The following MTSS1 variants were observed in gnomAD, a reference collection of about 807,000 sequenced individuals.
MTSS1 encodes MTSS I-BAR domain containing 1.
Under a neutral mutation model 79.0 loss-of-function variants are expected in MTSS1, and 18 were observed. The ratio of observed to expected loss-of-function variants is 0.23; its 90% CI spans 0.16 to 0.34. The LOEUF (loss-of-function observed/expected upper bound fraction) is 0.34. Ranked by LOEUF, MTSS1 falls within the 10% of genes least tolerant of loss-of-function variation. MTSS1 has a pLI of 1.00. For missense variants in MTSS1, 815 were observed against 986.2 expected (o/e 0.83, Z 2.33); for synonymous variants, 341 against 368.6 (o/e 0.93, Z 0.86).
intron 1 of MTSS1, among the ~76,000 whole-genome samples, chr8:124,707,390 TACAAAAAAAAAA>T (rs1347137630): frequency 4.8e-5 from 2 of 41,640 alleles, no homozygotes; most frequent in Non-Finnish European, 4.5e-5. Context: ...CTACTAAAAA[TACAAAAAAAAAA>T]ACAAACAAAC....
intron 1 of MTSS1, among the ~76,000 whole-genome samples, chr8:124,708,913 A>T (rs2135549963): frequency 6.6e-6 from 1 of 152,200 alleles, no homozygotes; most frequent in Admixed American, 6.5e-5. Context: ...ACAGAAGACA[A>T]AAACCTCCTT....
At chr8:124,557,609 AG>A in intron 11 of MTSS1, 71 bp downstream of exon 11, 1 of 1,369,490 alleles carries the variant, frequency 7.3e-7, no homozygotes, top group Non-Finnish European at 1.0e-6. Context: ...AGTCGGGGTG[AG>A]GGGGTTGGAA....
chr8:124,609,925 A>G (rs964450268), intron 3 of MTSS1, among the ~76,000 whole-genome samples: 2 of 152,176 alleles, frequency 1.3e-5, no homozygotes, highest in African/African-American at 4.8e-5. Context: ...CATTCTTCAT[A>G]CATATCAGAC....
intron 6 of MTSS1, among the ~76,000 whole-genome samples, chr8:124,579,017 T>C (rs1178182262): frequency 6.6e-6 from 1 of 152,228 alleles, no homozygotes; most frequent in East Asian, 1.9e-4. Flanking sequence ...GCTTTGCCTA[T>C]GAACCAGCCC....
intron 3 of MTSS1, among the ~76,000 whole-genome samples, chr8:124,600,067 C>A (rs1293399749): frequency 2.0e-5 from 3 of 149,810 alleles, no homozygotes; most frequent in East Asian, 2.0e-4. Context: ...AAAAAAAAAC[C>A]AAATATGCTG....
chr8:124,551,647 A>G lies in MTSS1; in HGVS notation c.*1345T>C, dbSNP rs1822539267. On this transcript the variant is annotated 3_prime_UTR_variant, in exon 14 of 14. Transcript: ENST00000518547. ...GCTTTCTTAAACACTATTGTCTTCAAATGTGATCCCTTTAAATCTACAAAT... is the reference window on the plus strand; with the variant it reads ...GCTTTCTTAAACACTATTGTCTTCAGATGTGATCCCTTTAAATCTACAAAT... The G allele has an allele frequency of 6.6e-6, 1 of 152,388 alleles. No homozygotes were observed. Among genetic ancestry groups the G allele is most frequent in the African/African-American group, 2.4e-5 (1 of 41,450 alleles). 9.4% of individuals were successfully genotyped at this position (152,388 alleles called of 1,614,324 possible). A position where few individuals can be genotyped will look rare whatever the true frequency, so the allele number is the denominator to read the frequency against.
chr8:124,580,856 A>G (rs182540839), intron 6 of MTSS1, among the ~76,000 whole-genome samples: 6 of 152,364 alleles, frequency 3.9e-5, no homozygotes, highest in Admixed American at 3.9e-4. Flanking sequence ...GATGAAGAAT[A>G]TATACCCAGA....
intron 10 of MTSS1, chr8:124,558,891 AAATAT>A: frequency 1.4e-6 from 2 of 1,480,142 alleles, no homozygotes. Context: ...CACACCACCA[AAATAT>A]AATAAATAAA....
At chr8:124,722,329 A>C (rs1244695445) in intron 1 of MTSS1, among the ~76,000 whole-genome samples, 2 of 152,152 alleles carry the variant, frequency 1.3e-5, no homozygotes, top group Non-Finnish European at 2.9e-5. Context: ...TCAGTAGGTA[A>C]AAACACTGTC....
At chr8:124,672,469 G>A (rs1824415735) in intron 3 of MTSS1, among the ~76,000 whole-genome samples, 1 of 151,464 alleles carries the variant, frequency 6.6e-6, no homozygotes, top group African/African-American at 2.4e-5. Flanking sequence ...ACTCCAGCCT[G>A]GGCAACAGAG....
intron 1 of MTSS1, among the ~76,000 whole-genome samples, chr8:124,718,200 G>A (rs903009054): frequency 4.6e-5 from 7 of 151,376 alleles, no homozygotes; most frequent in East Asian, 1.9e-4. Flanking sequence ...TTAACTTTAC[G>A]TTACTTACAT....
chr8:124,688,338 GTA>G (rs1205693201), intron 3 of MTSS1, among the ~76,000 whole-genome samples: 11 of 66,880 alleles, frequency 1.6e-4, no homozygotes, highest in East Asian at 5.2e-4. Context: ...ACGTCTGTGT[GTA>G]TGTGTGTTGT....
In MTSS1 at chr8:124,664,496, A is replaced by G. The variant is rs554393630; in HGVS notation, c.208+35030T>C. On this transcript the variant is annotated intron_variant, in intron 3 of 13. Transcript: ENST00000518547. ...AGTATGTAGACCAGAGTTTAGGAGC[A>G]CACAAGATTAGAAGCCACACTCTAA... is the stretch of plus-strand genomic sequence containing the variant. 3.5e-3 allele frequency among the ~76,000 whole-genome samples: 530 copies of G among 152,316 alleles called. 8 individuals are homozygous for G. Among genetic ancestry groups the G allele is most frequent in the Non-Finnish European group, 4.0e-3 (270 of 68,020 alleles).
chr8:124,562,669 C>T, intron 10 of MTSS1, 113 bp downstream of exon 10: 1 of 1,025,396 alleles, frequency 9.8e-7, no homozygotes, highest in Non-Finnish European at 1.4e-6. Flanking sequence ...AGAGGTTTCT[C>T]AAGTCAGTGG....
chr8:124,657,411 A>C (rs1821156762), intron 3 of MTSS1, among the ~76,000 whole-genome samples: 1 of 152,110 alleles, frequency 6.6e-6, no homozygotes, highest in Non-Finnish European at 1.5e-5. Flanking sequence ...ATGAAGCCAC[A>C]AAACATGGAA....
intron 6 of MTSS1, among the ~76,000 whole-genome samples, chr8:124,569,257 C>A (rs1249394195): frequency 6.6e-6 from 1 of 152,220 alleles, no homozygotes; most frequent in African/African-American, 2.4e-5. Flanking sequence ...CAGGCAACCA[C>A]TTCTGGAGTT....
At chr8:124,696,298 A>AT (rs1272954488) in intron 3 of MTSS1, among the ~76,000 whole-genome samples, 2 of 152,032 alleles carry the variant, frequency 1.3e-5, no homozygotes, top group African/African-American at 4.8e-5. Context: ...ACTTATTTCA[A>AT]TTTTTTAAAC....
intron 5 of MTSS1, among the ~76,000 whole-genome samples, chr8:124,587,787 G>A (rs1197250641): frequency 2.0e-5 from 3 of 152,054 alleles, no homozygotes; most frequent in East Asian, 3.9e-4. Flanking sequence ...TTACAGGCAT[G>A]AGCCACCACG....
At chr8:124,646,700 G>A (rs538187854) in intron 3 of MTSS1, among the ~76,000 whole-genome samples, 50 of 152,044 alleles carry the variant, frequency 3.3e-4, no homozygotes, top group Admixed American at 1.6e-3. Flanking sequence ...GAAAGCTACT[G>A]CTTAATATCT....
Sources: allele counts gnomAD v4.1 joint callset (sites outside exome capture counted in the v4.1 genomes callset), GRCh38; gene constraint gnomAD v4.1.1; transcripts MANE v1.5; gene names NCBI Gene and HGNC (gene_info 2026-07-23, HGNC 2026-07-21).